MTMR12: variants seen among roughly 807,000 people sequenced by gnomAD.
MTMR12 encodes myotubularin related protein 12.
MTMR12 carries 33 observed loss-of-function variants against 96.7 expected under a neutral mutation model. The ratio of observed to expected loss-of-function variants is 0.34; its 90% CI spans 0.26 to 0.46. The LOEUF (loss-of-function observed/expected upper bound fraction) is 0.46. Ranked by LOEUF, MTMR12 falls within the 20% of genes least tolerant of loss-of-function variation. The probability of loss-of-function intolerance (pLI) is 1.00; values close to 1 mark genes in which losing one functional copy is unlikely to be tolerated. For missense variants in MTMR12, 721 were observed against 896.1 expected, an observed-to-expected ratio of 0.80 and a Z score of 2.49; for synonymous variants, 298 against 327.2, an observed-to-expected ratio of 0.91 and a Z score of 0.96.
At chr5:32,255,845 C>T (rs567733388) in intron 7 of MTMR12, 77 bp from the exon 8 acceptor site, 9 of 1,252,302 alleles carry the variant, frequency 7.2e-6, no homozygotes, top group East Asian at 2.5e-5. Flanking sequence ...TCAATGGATA[C>T]GATGAATACA....
chr5:32,248,895 AG>A lies in MTMR12; in HGVS notation c.790-18del, dbSNP rs1387959702. The A allele has an allele frequency of 6.3e-7, 1 of 1,592,046 alleles. No individual in the cohort carries two copies. The highest frequency in any genetic ancestry group is 2.2e-5 in the East Asian group (1 of 44,766). ...ACACCATATCTGTAGAAACAAATAA[AG>A]CTTTACCAGATACAATAAACACAAC... On this transcript the variant is annotated intron_variant, in intron 8 of 15. Transcript: ENST00000382142.
At chr5:32,238,235 C>T (rs1406345024) in intron 13 of MTMR12, among the ~76,000 whole-genome samples, 1 of 150,980 alleles carries the variant, frequency 6.6e-6, no homozygotes, top group East Asian at 2.0e-4. Flanking sequence ...GAGATAGGGT[C>T]TCACTGTCAC....
In MTMR12 at chr5:32,244,723, A is replaced by C. The variant is rs116698246; in HGVS notation, c.1022-1124T>G. Among the ~76,000 whole-genome samples, 1,239 of 152,370 alleles carry C rather than the reference A, an allele frequency of 8.1e-3. 12 individuals are homozygous for C. Among genetic ancestry groups the C allele is most frequent in the African/African-American group, 0.028 (1,179 of 41,590 alleles). On this transcript the variant is annotated intron_variant, in intron 10 of 15. Coordinates refer to ENST00000382142, the MANE Select transcript of MTMR12 (RefSeq NM_001040446.3). The stretch of plus-strand genomic sequence containing the variant: ...TAGTAAACATGTATTGTAATGTTTT[A>C]GTTTGAGTTAAGAGTCATACATTGC...
intron 1 of MTMR12, among the ~76,000 whole-genome samples, chr5:32,308,806 T>A (rs1034883521): frequency 1.3e-5 from 2 of 152,122 alleles, no homozygotes. Flanking sequence ...GGTTTCACCA[T>A]GTTGGCCAGG....
intron 8 of MTMR12, 51 bp from the exon 9 acceptor site, chr5:32,248,929 G>A (rs774548541): frequency 1.4e-6 from 2 of 1,394,774 alleles, no homozygotes; most frequent in Non-Finnish European, 2.0e-6. Context: ...AACCCAACAG[G>A]GGACACATAA....
At chr5:32,309,885 G>A (rs1751509815) in intron 1 of MTMR12, 1 of 152,172 alleles carries the variant, frequency 6.6e-6, no homozygotes, top group South Asian at 2.1e-4. Flanking sequence ...GTGGAGAGAA[G>A]GGAACCTTCA....
intron 1 of MTMR12, among the ~76,000 whole-genome samples, chr5:32,296,158 C>T (rs1364686234): frequency 7.2e-6 from 1 of 139,332 alleles, no homozygotes; most frequent in African/African-American, 2.6e-5. Context: ...GACTCTGTCT[C>T]AAAAAAAAAA....
In MTMR12 at chr5:32,229,173, TGAA is replaced by T. The variant is rs1369244064; in HGVS notation, c.*602_*604del. Reference sequence around the variant, plus strand: ...CCCACAGGCAAAGTGACACGGTCTGTGAAGAAGGGAGGGTGGTCTGAAGCATCA... The same window carrying T: ...CCCACAGGCAAAGTGACACGGTCTGTGAAGGGAGGGTGGTCTGAAGCATCA... On this transcript the variant is annotated 3_prime_UTR_variant, in exon 16 of 16. Transcript: ENST00000382142. The T allele has an allele frequency of 6.6e-6, 1 of 151,926 alleles. No individual in the cohort carries two copies. The highest frequency in any genetic ancestry group is 1.5e-5 in the Non-Finnish European group (1 of 67,994). 9.4% of individuals were successfully genotyped at this position (151,926 alleles called of 1,614,324 possible).
Position 32,261,433 on chromosome 5 carries a change from TCTGACTCAAG to T in MTMR12, c.713+1670_713+1679del, listed in dbSNP as rs1452524280. ...TGGAATGCTCCTCCCTCGGGTGTCC[TCTGACTCAAG>T]CTTTCACTTCCTTTACGACTATGCT... On this transcript the variant is annotated intron_variant, in intron 7 of 15. Coordinates refer to ENST00000382142, the MANE Select transcript of MTMR12 (RefSeq NM_001040446.3). 2.0e-5 allele frequency among the ~76,000 whole-genome samples: 3 copies of T among 152,216 alleles called. No individual in the cohort carries two copies. In the East Asian group the frequency reaches 5.8e-4, roughly 29 times the overall value.
chr5:32,282,165 G>A (rs113588992), intron 1 of MTMR12, among the ~76,000 whole-genome samples: 2,775 of 152,110 alleles, frequency 0.018, 95 homozygotes, highest in African/African-American at 0.063. Context: ...GACGGATCAC[G>A]AGGTCAGGAG....
chr5:32,243,403 T>C, intron 11 of MTMR12, 118 bp downstream of exon 11: 1 of 698,844 alleles, frequency 1.4e-6, no homozygotes, highest in South Asian at 1.9e-5. Flanking sequence ...CTGTAGAACA[T>C]GTGATCTAAG....
At chr5:32,262,133 C>A (rs914090551) in intron 7 of MTMR12, among the ~76,000 whole-genome samples, 2 of 152,138 alleles carry the variant, frequency 1.3e-5, no homozygotes, top group Non-Finnish European at 2.9e-5. Flanking sequence ...AAGAAACTCT[C>A]ATACACTGTT....
intron 13 of MTMR12, 128 bp downstream of exon 13, chr5:32,238,872 GT>G: frequency 1.9e-6 from 2 of 1,064,218 alleles, no homozygotes; most frequent in Non-Finnish European, 2.5e-6. Context: ...AACGATCCTA[GT>G]TTTCTTAACA....
At position 32,228,591 on chromosome 5, in the gene MTMR12, GATATAT is replaced by G. The variant is rs761799744; in HGVS notation, c.*1181_*1186del. The G allele has an allele frequency of 5.8e-5, 6 of 103,654 alleles. No homozygotes were observed. The highest frequency in any genetic ancestry group is 1.1e-4 in the Non-Finnish European group (6 of 52,906). The allele number at this position is 103,654 out of a possible 1,614,324, so 6.4% of individuals were successfully genotyped here. On this transcript the variant is annotated 3_prime_UTR_variant, in exon 16 of 16. Transcript: ENST00000382142. ...TATCATATATATATCATATATATGT[GATATAT>G]ATATATATATCATATATATGATATA...
Position 32,239,084 on chromosome 5 carries a change from T to C in MTMR12, c.1261A>G (p.Ser421Gly). ...PHCRTRIGFQ[S>G]LIQKEWVMGG... ...ATGACCCACTCCTTTTGGATGAGGC[T>C]CTGGAAACCAATTCTGGTTCTGCAG... The change falls in exon 13 of 16, where the codon AGC becomes GGC. Residue 421 changes from serine (S) to glycine (G), a missense_variant. Coordinates refer to ENST00000382142, the MANE Select transcript of MTMR12 (RefSeq NM_001040446.3). 5 of 1,610,460 alleles carry C rather than the reference T, an allele frequency of 3.1e-6. No homozygotes were observed. The highest frequency in any genetic ancestry group is 4.2e-6 in the Non-Finnish European group (5 of 1,178,394).
At chr5:32,274,190 C>T in intron 2 of MTMR12, 68 bp from the exon 3 acceptor site, 1 of 1,534,206 alleles carries the variant, frequency 6.5e-7, no homozygotes, top group East Asian at 2.3e-5. Flanking sequence ...ACACTAAAGG[C>T]TTTCCAGCCC....
At chr5:32,275,648 G>C (rs142103027) in intron 2 of MTMR12, among the ~76,000 whole-genome samples, 48 of 152,338 alleles carry the variant, frequency 3.2e-4, no homozygotes, top group African/African-American at 1.1e-3. Context: ...ACTAGGCTCA[G>C]AGAAGTTAAC....
chr5:32,310,025 G>A lies in MTMR12; in HGVS notation c.81+2733C>T, dbSNP rs572297856. Among the ~76,000 whole-genome samples, 9 of 152,254 alleles carry A rather than the reference G, an allele frequency of 5.9e-5. 1 individual carries two copies. Among genetic ancestry groups the A allele is most frequent in the African/African-American group, 1.7e-4 (7 of 41,544 alleles). On this transcript the variant is annotated intron_variant, in intron 1 of 15. Coordinates refer to ENST00000382142, the MANE Select transcript of MTMR12 (RefSeq NM_001040446.3). ...TGCTAGGTATACACCCAAAAGAAAG[G>A]AAATCAGGGCCAGGCACGGTGGCTT...
chr5:32,251,818 G>A (rs1368376237), intron 8 of MTMR12, among the ~76,000 whole-genome samples: 1 of 152,188 alleles, frequency 6.6e-6, no homozygotes, highest in Non-Finnish European at 1.5e-5. Context: ...AAGGAAACGG[G>A]AGCCCAGAGA....
Sources: gnomAD v4.1 joint callset for allele counts (sites outside exome capture counted in the v4.1 genomes callset) on GRCh38, gnomAD v4.1.1 for gene constraint, MANE v1.5 for transcripts, NCBI Gene and HGNC (gene_info 2026-07-23, HGNC 2026-07-21) for gene names.